Variants in TMEM114 observed in about 807,000 individuals in gnomAD.
TMEM114 encodes transmembrane protein 114, also known as claudin-26.
A neutral mutation model predicts 6.2 loss-of-function variants in TMEM114; 6 were observed. The ratio of observed to expected loss-of-function variants is 0.97; its 90% CI spans 0.53 to 1.91. The LOEUF is 1.91. Among genes scored for constraint, TMEM114 ranks in the 40% most tolerant of loss-of-function variants. TMEM114 has a pLI of 0.01. For synonymous variants in TMEM114, 104 were observed against 73.0 expected (o/e 1.42, Z -2.16); for missense variants, 218 against 158.3 (o/e 1.38, Z -2.02).
At chr16:8,578,552 G>A (rs1252098120) in intron 2 of TMEM114, among the ~76,000 whole-genome samples, 1 of 152,160 alleles carries the variant, frequency 6.6e-6, no homozygotes, top group Admixed American at 6.5e-5. Context: ...AGTCACATTC[G>A]CAGGTACTGG....
At chr16:8,562,121 T>G (rs373258827) in intron 2 of TMEM114, among the ~76,000 whole-genome samples, 1 of 150,708 alleles carries the variant, frequency 6.6e-6, no homozygotes, top group South Asian at 2.1e-4. Context: ...AATAAGTAAG[T>G]GAATGAGTGA....
At chr16:8,555,968 C>G (rs1025647356) in intron 2 of TMEM114, among the ~76,000 whole-genome samples, 4 of 152,230 alleles carry the variant, frequency 2.6e-5, no homozygotes, top group Non-Finnish European at 5.9e-5. Flanking sequence ...CCCACAGTGT[C>G]TGAAGCGCTG....
chr16:8,551,097 G>A (rs1165640619), intron 2 of TMEM114, among the ~76,000 whole-genome samples: 1 of 152,192 alleles, frequency 6.6e-6, no homozygotes. Flanking sequence ...GGTCTCCCAG[G>A]AAACGTGCTG....
intron 3 of TMEM114, 41 bp from the exon 4 acceptor site, chr16:8,570,046 C>G: frequency 1.3e-6 from 2 of 1,519,662 alleles, no homozygotes; most frequent in Non-Finnish European, 8.9e-7. Context: ...ATCCCCCACC[C>G]CGCCCCAGCA....
At chr16:8,574,224 A>G (rs1477284682) in intron 2 of TMEM114, among the ~76,000 whole-genome samples, 2 of 152,182 alleles carry the variant, frequency 1.3e-5, no homozygotes, top group Admixed American at 1.3e-4. Flanking sequence ...TCCACTTCTT[A>G]TGAAATGGAG....
chr16:8,566,099 G>A (rs921086559), downstream of TMEM114, among the ~76,000 whole-genome samples: 1 of 152,124 alleles, frequency 6.6e-6, no homozygotes, highest in African/African-American at 2.4e-5. Context: ...GGCCAGGCAC[G>A]GTGGCTCACG....
chr16:8,528,647 G>A, the TMEM114 span, among the ~76,000 whole-genome samples: 4 of 152,162 alleles, frequency 2.6e-5, no homozygotes, highest in Admixed American at 2.0e-4. Flanking sequence ...TTAAATCGCA[G>A]CCTTGGTGGT....
At chr16:8,584,457 G>A (rs1372629618) in intron 2 of TMEM114, among the ~76,000 whole-genome samples, 4 of 152,114 alleles carry the variant, frequency 2.6e-5, no homozygotes, top group Non-Finnish European at 5.9e-5. Flanking sequence ...TCAGCAAAGT[G>A]GATTTTGCTG....
intron 2 of TMEM114, among the ~76,000 whole-genome samples, chr16:8,550,941 C>G (rs1900823906): frequency 6.6e-6 from 1 of 152,182 alleles, no homozygotes; most frequent in Non-Finnish European, 1.5e-5. Flanking sequence ...CACAGCTATT[C>G]TGCATCTCAC....
the TMEM114 span, among the ~76,000 whole-genome samples, chr16:8,531,724 C>G: frequency 6.6e-6 from 1 of 152,178 alleles, no homozygotes; most frequent in Non-Finnish European, 1.5e-5. Flanking sequence ...TCATGGGACA[C>G]TCAGTTGAAT....
At chr16:8,579,528 T>C (rs1349506331) in intron 2 of TMEM114, among the ~76,000 whole-genome samples, 1 of 151,940 alleles carries the variant, frequency 6.6e-6, no homozygotes, top group East Asian at 1.9e-4. Flanking sequence ...CTCCAAGAGG[T>C]ATTGTTAGGA....
intron 2 of TMEM114, among the ~76,000 whole-genome samples, chr16:8,559,089 C>T (rs368337209): frequency 5.3e-5 from 8 of 151,914 alleles, no homozygotes; most frequent in Non-Finnish European, 1.2e-4. Flanking sequence ...GTCACCCAGG[C>T]TGGAGTGCAG....
At chr16:8,537,801 A>G (rs1231208605) in exon 3 of TMEM114, 1 of 152,142 alleles carries the variant, frequency 6.6e-6, no homozygotes, top group Non-Finnish European at 1.5e-5. Flanking sequence ...TTCACCATTG[A>G]CATCCATGGA....
chr16:8,555,974 C>T (rs772906899), intron 2 of TMEM114, among the ~76,000 whole-genome samples: 5 of 152,196 alleles, frequency 3.3e-5, no homozygotes, highest in African/African-American at 4.8e-5. Context: ...GTGTCTGAAG[C>T]GCTGTCTTCC....
At position 8,589,861 on chromosome 16, in the gene TMEM114, C is replaced by T. The variant is rs1902432282; in HGVS notation, c.-23G>A. ...CATCGCCGAGCCCAGGACCAGCAGC[C>T]GCGGGTTCCAGTGGCCGCGGCGCGA... is the stretch of plus-strand genomic sequence containing the variant. On this transcript the variant is annotated 5_prime_UTR_variant, in exon 1 of 4. Transcript: ENST00000620492. 2.5e-6 allele frequency: 1 copy of T among 392,768 alleles called. No homozygotes were observed. Among genetic ancestry groups the T allele is most frequent in the African/African-American group, 2.1e-5 (1 of 48,292 alleles). 24.3% of individuals were successfully genotyped at this position (392,768 alleles called of 1,614,324 possible). A position where few individuals can be genotyped will look rare whatever the true frequency, so the allele number is the denominator to read the frequency against.
chr16:8,559,276 C>G (rs1441350008), intron 2 of TMEM114, among the ~76,000 whole-genome samples: 2 of 152,170 alleles, frequency 1.3e-5, no homozygotes, highest in African/African-American at 4.8e-5. Context: ...CTCATAACCT[C>G]AAGTGATCCG....
At chr16:8,551,822 C>T (rs1354569715) in intron 2 of TMEM114, among the ~76,000 whole-genome samples, 1 of 152,178 alleles carries the variant, frequency 6.6e-6, no homozygotes, top group Non-Finnish European at 1.5e-5. Context: ...CATAACTGTG[C>T]AAAACTGAGA....
chr16:8,576,883 G>A (rs1000554853), intron 2 of TMEM114, among the ~76,000 whole-genome samples: 1 of 152,204 alleles, frequency 6.6e-6, no homozygotes, highest in Non-Finnish European at 1.5e-5. Context: ...ATTCAGAAAG[G>A]AAGTTCACAT....
downstream of TMEM114, among the ~76,000 whole-genome samples, chr16:8,537,186 C>A (rs1900385471): frequency 6.6e-6 from 1 of 151,692 alleles, no homozygotes; most frequent in African/African-American, 2.4e-5. Context: ...TCCTGGGCAG[C>A]AGAGTGAGAT....
Sources: gnomAD v4.1 joint callset for allele counts (sites outside exome capture counted in the v4.1 genomes callset) on GRCh38, gnomAD v4.1.1 for gene constraint, MANE v1.5 for transcripts, NCBI Gene and HGNC (gene_info 2026-07-23, HGNC 2026-07-21) for gene names.